CAPN13: variants seen among roughly 807,000 people sequenced by gnomAD.
CAPN13 encodes calpain-13.
A neutral mutation model predicts 98.4 loss-of-function variants in CAPN13; 90 were observed. The ratio of observed to expected loss-of-function variants is 0.92; its 90% CI spans 0.77 to 1.09. The LOEUF (loss-of-function observed/expected upper bound fraction) is 1.09, where lower values mean the gene tolerates loss of function less well. Ranked by LOEUF, CAPN13 falls within the 50% of genes least tolerant of loss-of-function variation. The pLI is 0.00. For missense variants in CAPN13, 887 were observed against 841.3 expected, an observed-to-expected ratio of 1.05 and a Z score of -0.67; for synonymous variants, 330 against 305.5, an observed-to-expected ratio of 1.08 and a Z score of -0.84.
rs1355820523 is a variant in CAPN13 at position 30,743,433 on chromosome 2, T to G, written c.1395A>C (p.Lys465Asn). The change falls in exon 13 of 23, where the codon AAA becomes AAC. Residue 465 changes from lysine to asparagine, a missense_variant. Physicochemically the swap from Lys to Asn is moderately conservative, Grantham distance 94. Coordinates refer to ENST00000295055, the MANE Select transcript of CAPN13 (RefSeq NM_144575.3). ...NYVVVAQTRRKSAEFLLRIFL... is the reference protein window; with the variant it reads ...NYVVVAQTRRNSAEFLLRIFL... ...AGATTCGGAGCAAGAACTCCGCTGA[T>G]TTTCTCCGTGTCTGTGCAACCACAA... The G allele has an allele frequency of 6.2e-7, 1 of 1,613,996 alleles. No individual in the cohort carries two copies. The highest frequency in any genetic ancestry group is 2.2e-5 in the East Asian group (1 of 44,886).
chr2:30,782,411 G>C (rs1189412479), intron 2 of CAPN13, among the ~76,000 whole-genome samples: 1 of 152,148 alleles, frequency 6.6e-6, no homozygotes, highest in East Asian at 1.9e-4. Context: ...AAAGTTCTCT[G>C]GCTGAATGAC....
intron 12 of CAPN13, 198 bp from the exon 13 acceptor site, chr2:30,743,777 C>G: frequency 1.4e-6 from 1 of 690,020 alleles, no homozygotes; most frequent in South Asian, 1.5e-5. Context: ...AGACCCTGGA[C>G]ACAATGGATG....
intron 11 of CAPN13, 65 bp downstream of exon 11, chr2:30,751,037 GT>G: frequency 3.2e-6 from 5 of 1,555,706 alleles, no homozygotes; most frequent in Non-Finnish European, 4.4e-6. Context: ...GGCCAGAGCT[GT>G]TCTCCCCAAC....
chr2:30,745,739 T>C lies in CAPN13; in HGVS notation c.1237-5A>G. ...GAGCCATACCTGTGAGCCAGCCTGT[T>C]GGAAACAGGGAGAAAGGCAGATTTA... is the stretch of plus-strand genomic sequence containing the variant. On this transcript the variant is annotated splice_region_variant and splice_polypyrimidine_tract_variant and intron_variant, in intron 11 of 22. Transcript: ENST00000295055. 1 of 1,595,852 alleles carries C rather than the reference T, an allele frequency of 6.3e-7. No homozygotes were observed. Among genetic ancestry groups the C allele is most frequent in the Non-Finnish European group, 8.5e-7 (1 of 1,178,628 alleles).
At position 30,734,456 on chromosome 2, in the gene CAPN13, C is replaced by G; in HGVS notation, c.1791G>C (p.Glu597Asp). 6.2e-7 allele frequency: 1 copy of G among 1,613,790 alleles called. No homozygotes were observed. Reference sequence around the variant, plus strand: ...CCAAAGTCCCCATTGTACCTGTATTCTCTATGGCCTTCCACAAGTCCGAGC... The same window carrying G: ...CCAAAGTCCCCATTGTACCTGTATTGTCTATGGCCTTCCACAAGTCCGAGC... ...LLSSDLWKAI[E>D]NTDFLRGIFI... is the part of the protein sequence containing the mutation. Residue 597 changes from glutamate (E) to aspartate (D), a missense_variant, in exon 19 of 23, where the codon GAG becomes GAC. By Grantham distance (45) the Glu-to-Asp change is conservative. Transcript: ENST00000295055.
chr2:30,789,614 T>C lies in CAPN13; in HGVS notation c.-32-2257A>G, dbSNP rs577899972. Among the ~76,000 whole-genome samples the C allele has an allele frequency of 1.4e-3, 207 of 152,366 alleles. 1 individual carries two copies. The highest frequency in any genetic ancestry group is 4.8e-3 in the African/African-American group (200 of 41,588). On this transcript the variant is annotated intron_variant, in intron 1 of 22. Transcript: ENST00000295055. Reference sequence around the variant, plus strand: ...GGCCAGACTTTAGGAATTCCCATTCTAAGATTCACTTGCCTCATTTGTGAA... The same window carrying C: ...GGCCAGACTTTAGGAATTCCCATTCCAAGATTCACTTGCCTCATTTGTGAA...
At chr2:30,775,014 T>C (rs1673610516) in intron 4 of CAPN13, among the ~76,000 whole-genome samples, 1 of 152,122 alleles carries the variant, frequency 6.6e-6, no homozygotes, top group Non-Finnish European at 1.5e-5. Context: ...CTAGCTAATG[T>C]GACAAAGCAA....
chr2:30,757,967 C>T lies in CAPN13; in HGVS notation c.866+79G>A. 3.7e-6 allele frequency: 4 copies of T among 1,079,754 alleles called. No individual in the cohort carries two copies. In the East Asian group the frequency reaches 8.0e-5, roughly 22 times the overall value. 66.9% of individuals were successfully genotyped at this position (1,079,754 alleles called of 1,614,324 possible). A position where few individuals can be genotyped will look rare whatever the true frequency, so the allele number is the denominator to read the frequency against. ...AGTGAGATGCGCAGTGGCTAGATAG[C>T]CCCTGCTCTCATGGGCAGGAGGCTC... is the stretch of plus-strand genomic sequence containing the variant. On this transcript the variant is annotated intron_variant, in intron 8 of 22. Coordinates refer to ENST00000295055, the MANE Select transcript of CAPN13 (RefSeq NM_144575.3).
At chr2:30,792,674 T>G (rs935752941) in intron 1 of CAPN13, among the ~76,000 whole-genome samples, 1 of 151,704 alleles carries the variant, frequency 6.6e-6, no homozygotes, top group Non-Finnish European at 1.5e-5. Context: ...CCTCAAAAAA[T>G]AGAGGAGAAG....
chr2:30,742,053 G>GATCTGAGAAA, intron 14 of CAPN13, 89 bp from the exon 15 acceptor site: 3 of 1,231,092 alleles, frequency 2.4e-6, no homozygotes, highest in Non-Finnish European at 3.6e-6. Flanking sequence ...CCCCTGCCAA[G>GATCTGAGAAA]ATCTGAGAAA....
chr2:30,769,996 T>C (rs1211958433), intron 5 of CAPN13, among the ~76,000 whole-genome samples: 1 of 152,300 alleles, frequency 6.6e-6, no homozygotes, highest in East Asian at 1.9e-4. Flanking sequence ...GAGTCAGAAT[T>C]GTTCACTCCT....
rs5830184 is a variant in CAPN13, at chr2:30,776,157, A to AT, written c.272-113dup. The AT allele has an allele frequency of 1.5e-3, 869 of 594,250 alleles. 5 individuals are homozygous for AT. The highest frequency in any genetic ancestry group is 0.011 in the African/African-American group (573 of 52,282). 36.8% of individuals were successfully genotyped at this position (594,250 alleles called of 1,614,324 possible). On this transcript the variant is annotated intron_variant, in intron 3 of 22. Coordinates refer to ENST00000295055, the MANE Select transcript of CAPN13 (RefSeq NM_144575.3). ...CTACACAATTCCTTCTAAATAATGC[A>AT]TTTTTTTTTCCTCTGAGAGAGGAGA...
chr2:30,734,777 C>A (rs1041186768), intron 18 of CAPN13, among the ~76,000 whole-genome samples: 1 of 152,168 alleles, frequency 6.6e-6, no homozygotes, highest in Admixed American at 6.5e-5. Context: ...ACACATAGGG[C>A]AGTTTTCTAC....
At chr2:30,774,651 T>C (rs1003134124) in intron 4 of CAPN13, among the ~76,000 whole-genome samples, 1 of 152,128 alleles carries the variant, frequency 6.6e-6, no homozygotes, top group Non-Finnish European at 1.5e-5. Flanking sequence ...ATTGAATACA[T>C]TGGAAGAATT....
At chr2:30,783,860 G>T (rs1411477639) in intron 2 of CAPN13, among the ~76,000 whole-genome samples, 1 of 152,176 alleles carries the variant, frequency 6.6e-6, no homozygotes. Context: ...TAGCTTGGCA[G>T]TCAACTTTCT....
chr2:30,741,571 G>T, intron 15 of CAPN13: 1 of 1,078,526 alleles, frequency 9.3e-7, no homozygotes, highest in South Asian at 3.3e-5. Flanking sequence ...GTGGGAGGTG[G>T]CCGAGTAGGA....
Position 30,745,727 on chromosome 2 carries a change from G to A in CAPN13, c.1244C>T (p.Ser415Leu), listed in dbSNP as rs2147977056. Reference sequence around the variant, plus strand: ...AAGGACGACGCTGAGCCATACCTGTGAGCCAGCCTGTTGGAAACAGGGAGA... The same window carrying A: ...AAGGACGACGCTGAGCCATACCTGTAAGCCAGCCTGTTGGAAACAGGGAGA... ...PLDFQVILAG[S>L]QRFREKFPPV... Residue 415 changes from serine (S) to leucine (L), a missense_variant, in exon 12 of 23, where the codon TCA becomes TTA. Coordinates refer to ENST00000295055, the MANE Select transcript of CAPN13 (RefSeq NM_144575.3). 2 of 1,596,396 alleles carry A rather than the reference G, an allele frequency of 1.3e-6. No individual in the cohort carries two copies.
chr2:30,724,161 T>A (rs929281437), intron 22 of CAPN13, among the ~76,000 whole-genome samples: 1 of 152,238 alleles, frequency 6.6e-6, no homozygotes, highest in African/African-American at 2.4e-5. Context: ...GTTAAATCAA[T>A]ATTCCATTTG....
At chr2:30,785,421 A>T (rs1423920477) in intron 2 of CAPN13, among the ~76,000 whole-genome samples, 1 of 152,230 alleles carries the variant, frequency 6.6e-6, no homozygotes, top group Non-Finnish European at 1.5e-5. Flanking sequence ...AAGAAATATG[A>T]CATCTAAAAA....
Sources: allele counts gnomAD v4.1 joint callset (sites outside exome capture counted in the v4.1 genomes callset), GRCh38; gene constraint gnomAD v4.1.1; transcripts MANE v1.5; gene names NCBI Gene and HGNC (gene_info 2026-07-23, HGNC 2026-07-21).